DCPS: variants seen among roughly 807,000 people sequenced by gnomAD.
DCPS encodes decapping enzyme, scavenger.
DCPS carries 27 observed loss-of-function variants against 34.7 expected under a neutral mutation model. That is an observed-to-expected ratio of 0.78 (90% CI 0.57 to 1.07). The LOEUF (loss-of-function observed/expected upper bound fraction) is 1.07, where lower values mean the gene tolerates loss of function less well. Ranked by LOEUF, DCPS falls within the 50% of genes least tolerant of loss-of-function variation. The probability of loss-of-function intolerance (pLI) is 0.00; values close to 1 mark genes in which losing one functional copy is unlikely to be tolerated. For synonymous variants in DCPS, 185 were observed against 185.7 expected, an observed-to-expected ratio of 1.00 and a Z score of 0.03; for missense variants, 464 against 436.9, an observed-to-expected ratio of 1.06 and a Z score of -0.55.
chr11:126,324,867 C>T (rs1283590191), intron 2 of DCPS, among the ~76,000 whole-genome samples: 2 of 151,976 alleles, frequency 1.3e-5, no homozygotes. Context: ...GAAAATTAAA[C>T]AAGTGGCCAG....
chr11:126,326,516 T>A (rs554689307), intron 2 of DCPS, among the ~76,000 whole-genome samples: 1 of 152,250 alleles, frequency 6.6e-6, no homozygotes, highest in South Asian at 2.1e-4. Context: ...CTTAGAATAG[T>A]GTTATAGGGC....
In DCPS at chr11:126,346,193, C is replaced by T. The variant is rs1041471762; in HGVS notation, c.*580C>T. ...GTTGACGAGGATAGGGGCTTGGTGCCTGGAAATCGGCGGGTTTTAATAAGA... is the reference window on the plus strand; with the variant it reads ...GTTGACGAGGATAGGGGCTTGGTGCTTGGAAATCGGCGGGTTTTAATAAGA... On this transcript the variant is annotated 3_prime_UTR_variant, in exon 6 of 6. Transcript: ENST00000263579. The surrounding 1 kb of genome is among the most constrained non-coding windows in gnomAD (Gnocchi z 4.1). 2.6e-5 allele frequency among the ~76,000 whole-genome samples: 4 copies of T among 152,156 alleles called. No individual in the cohort carries two copies. The highest frequency in any genetic ancestry group is 4.4e-5 in the Non-Finnish European group (3 of 68,044).
Position 126,312,947 on chromosome 11 carries a change from C to T in DCPS, c.376+6203C>T, listed in dbSNP as rs1951629622. Reference sequence around the variant, plus strand: ...GGAGCTAATGGCCCGAAGGCTGGCACCTGAGAGCTTCCTCTGACCCTCCAG... The same window carrying T: ...GGAGCTAATGGCCCGAAGGCTGGCATCTGAGAGCTTCCTCTGACCCTCCAG... On this transcript the variant is annotated intron_variant, in intron 2 of 5. Coordinates refer to ENST00000263579, the MANE Select transcript of DCPS (RefSeq NM_014026.6). The surrounding 1 kb of genome is among the most constrained non-coding windows in gnomAD (Gnocchi z 5.1). Among the ~76,000 whole-genome samples, 1 of 152,162 alleles carries T rather than the reference C, an allele frequency of 6.6e-6. No individual in the cohort carries two copies. Among genetic ancestry groups the T allele is most frequent in the Non-Finnish European group, 1.5e-5 (1 of 68,032 alleles).
rs967936348 is a variant in DCPS, at chr11:126,323,311, G to A, written c.377-8094G>A. Among the ~76,000 whole-genome samples, 7 of 152,048 alleles carry A rather than the reference G, an allele frequency of 4.6e-5. No homozygotes were observed. The highest frequency in any genetic ancestry group is 1.0e-4 in the Non-Finnish European group (7 of 68,014). On this transcript the variant is annotated intron_variant, in intron 2 of 5. Transcript: ENST00000263579. This position sits in a 1 kb window ranked among gnomAD's most constrained non-coding sequence, Gnocchi z 4.4. Reference sequence around the variant, plus strand: ...AGACCTTTTTAATCCTCTTATCTGGGAAACAATTTTCAAAATACAATTATT... The same window carrying A: ...AGACCTTTTTAATCCTCTTATCTGGAAAACAATTTTCAAAATACAATTATT...
At position 126,344,759 on chromosome 11, in the gene DCPS, A is replaced by G. The variant is rs1951904316; in HGVS notation, c.748-588A>G. ...GCAAAGGGAGCCAGGGCCAAAGTCAATGCTTTCCTCTTCTGCAAGGAGCCC... is the reference window on the plus strand; with the variant it reads ...GCAAAGGGAGCCAGGGCCAAAGTCAGTGCTTTCCTCTTCTGCAAGGAGCCC... On this transcript the variant is annotated intron_variant, in intron 5 of 5. Transcript: ENST00000263579. The surrounding 1 kb of genome is among the most constrained non-coding windows in gnomAD (Gnocchi z 8.1). 6.6e-6 allele frequency among the ~76,000 whole-genome samples: 1 copy of G among 152,132 alleles called. No homozygotes were observed. Among genetic ancestry groups the G allele is most frequent in the African/African-American group, 2.4e-5 (1 of 41,426 alleles).
At position 126,331,524 on chromosome 11, in the gene DCPS, C is replaced by G; in HGVS notation, c.496C>G (p.Leu166Val). 1 of 1,614,164 alleles carries G rather than the reference C, an allele frequency of 6.2e-7. No homozygotes were observed. Among genetic ancestry groups the G allele is most frequent in the South Asian group, 1.1e-5 (1 of 91,084 alleles). The change falls in exon 3 of 6, where the codon CTG (leucine) becomes GTG (valine). Residue 166 changes from leucine to valine, a missense_variant. Physicochemically the swap from Leu to Val is conservative, Grantham distance 32. Transcript: ENST00000263579. The surrounding 1 kb of genome is among the most constrained non-coding windows in gnomAD (Gnocchi z 7.2). Reference sequence around the variant, plus strand: ...CTACAGGAATATTACTTTACCCCACCTGGAGTCCCAGAGCCTCAGCATCCA... The same window carrying G: ...CTACAGGAATATTACTTTACCCCACGTGGAGTCCCAGAGCCTCAGCATCCA... ...DDYRNITLPH[L>V]ESQSLSIQWV...
intron 2 of DCPS, among the ~76,000 whole-genome samples, chr11:126,316,921 G>T (rs1951663914): frequency 6.9e-6 from 1 of 145,692 alleles, no homozygotes; most frequent in South Asian, 2.2e-4. Context: ...CTGCCAAAGT[G>T]CTGGGATTAC....
At position 126,342,132 on chromosome 11, in the gene DCPS, C is replaced by G. The variant is rs1951880260; in HGVS notation, c.637-1175C>G. On this transcript the variant is annotated intron_variant, in intron 4 of 5. Coordinates refer to ENST00000263579, the MANE Select transcript of DCPS (RefSeq NM_014026.6). This position sits in a 1 kb window ranked among gnomAD's most constrained non-coding sequence, Gnocchi z 4.4. ...GCCTGGCCCCTCAGAGCCTTGATGTCTGGGGCCTTCCAGGCGCATGGATGG... is the reference window on the plus strand; with the variant it reads ...GCCTGGCCCCTCAGAGCCTTGATGTGTGGGGCCTTCCAGGCGCATGGATGG... 6.6e-6 allele frequency: 1 copy of G among 152,238 alleles called. No homozygotes were observed. The highest frequency in any genetic ancestry group is 2.4e-5 in the African/African-American group (1 of 41,460). The allele number at this position is 152,238 out of a possible 1,614,324, so 9.4% of individuals were successfully genotyped here. A position where few individuals can be genotyped will look rare whatever the true frequency, so the allele number is the denominator to read the frequency against.
chr11:126,331,592 G>C lies in DCPS; in HGVS notation c.522+42G>C. ...CTCAGACGCAGAGCACTGCTCCCGT[G>C]GCTGGTGCCTCCTCTTACGAGTGTC... On this transcript the variant is annotated intron_variant, in intron 3 of 5. Transcript: ENST00000263579. This position sits in a 1 kb window ranked among gnomAD's most constrained non-coding sequence, Gnocchi z 7.2. The C allele has an allele frequency of 6.2e-7, 1 of 1,605,904 alleles. No individual in the cohort carries two copies.
At chr11:126,324,155 T>C (rs1951725210) in intron 2 of DCPS, among the ~76,000 whole-genome samples, 1 of 152,210 alleles carries the variant, frequency 6.6e-6, no homozygotes, top group African/African-American at 2.4e-5. Flanking sequence ...TCTACAGTTA[T>C]TGTATTCACA....
intron 2 of DCPS, among the ~76,000 whole-genome samples, chr11:126,309,700 G>C (rs544853219): frequency 6.6e-6 from 1 of 152,134 alleles, no homozygotes; most frequent in Non-Finnish European, 1.5e-5. Context: ...TTTGGAAGTC[G>C]CAGCGGTTTG....
In DCPS at chr11:126,348,328, C is replaced by G. The variant is rs1229023124; in HGVS notation, c.*2715C>G. Among the ~76,000 whole-genome samples, 2 of 152,208 alleles carry G rather than the reference C, an allele frequency of 1.3e-5. No individual in the cohort carries two copies. The highest frequency in any genetic ancestry group is 3.9e-4 in the East Asian group (2 of 5,184). ...CGTCCCCTCACTCCTCTCCCAGCCTCGTTTATCTTCACCACAGTACAGAAG... is the reference window on the plus strand; with the variant it reads ...CGTCCCCTCACTCCTCTCCCAGCCTGGTTTATCTTCACCACAGTACAGAAG... On this transcript the variant is annotated 3_prime_UTR_variant, in exon 6 of 6. Transcript: ENST00000263579. The surrounding 1 kb of genome is among the most constrained non-coding windows in gnomAD (Gnocchi z 5.3).
intron 2 of DCPS, among the ~76,000 whole-genome samples, chr11:126,307,833 T>G (rs986856145): frequency 1.3e-5 from 2 of 152,174 alleles, no homozygotes; most frequent in African/African-American, 4.8e-5. Context: ...AAGGAGGACT[T>G]TACGAATGAG....
rs1224966733 is a variant in DCPS at position 126,334,985 on chromosome 11, G to A, written c.523-3301G>A. Among the ~76,000 whole-genome samples the A allele has an allele frequency of 6.6e-6, 1 of 152,158 alleles. No homozygotes were observed. Among genetic ancestry groups the A allele is most frequent in the Admixed American group, 6.5e-5 (1 of 15,274 alleles). On this transcript the variant is annotated intron_variant, in intron 3 of 5. Transcript: ENST00000263579. This position sits in a 1 kb window ranked among gnomAD's most constrained non-coding sequence, Gnocchi z 5.5. ...TGTAACTAATGGCTCCTCCCTCCTG[G>A]GTGTTGTGGAAATTGAGAGAGGTGC...
rs922610642 is a variant in DCPS, at chr11:126,315,447, C to G, written c.376+8703C>G. ...TGGTGGTATGTGCCTGTAGTTCCAG[C>G]TACTCAGGAGGCTGAAGTTGGAGGA... On this transcript the variant is annotated intron_variant, in intron 2 of 5. Transcript: ENST00000263579. This position sits in a 1 kb window ranked among gnomAD's most constrained non-coding sequence, Gnocchi z 6.1. Among the ~76,000 whole-genome samples the G allele has an allele frequency of 1.3e-5, 2 of 151,842 alleles. No individual in the cohort carries two copies. The highest frequency in any genetic ancestry group is 6.6e-5 in the Admixed American group (1 of 15,248).
rs1591379705 is a variant in DCPS at position 126,306,516 on chromosome 11, A to C, written c.202-54A>C. 10 of 1,506,728 alleles carry C rather than the reference A, an allele frequency of 6.6e-6. No homozygotes were observed. The South Asian group carries it at 1.3e-4, about 19-fold the overall frequency. 93.3% of individuals were successfully genotyped at this position (1,506,728 alleles called of 1,614,324 possible). A position where few individuals can be genotyped will look rare whatever the true frequency, so the allele number is the denominator to read the frequency against. On this transcript the variant is annotated intron_variant, in intron 1 of 5. Transcript: ENST00000263579. ...CCTGGGAGCTTCTGTCTTGCTCTCC[A>C]GAGTCTCATCGTGGTTCTGCCCTTG...
At chr11:126,305,295 G>A (rs1378682051) in intron 1 of DCPS, among the ~76,000 whole-genome samples, 1 of 151,428 alleles carries the variant, frequency 6.6e-6, no homozygotes, top group Non-Finnish European at 1.5e-5. Flanking sequence ...TGTATTTTTA[G>A]TAGAGATGGG....
At position 126,325,960 on chromosome 11, in the gene DCPS, A is replaced by G. The variant is rs1951736007; in HGVS notation, c.377-5445A>G. Among the ~76,000 whole-genome samples the G allele has an allele frequency of 6.6e-6, 1 of 152,104 alleles. No individual in the cohort carries two copies. The highest frequency in any genetic ancestry group is 1.5e-5 in the Non-Finnish European group (1 of 68,024). ...TGGTGAAACCCTGTCTCTACTAAAA[A>G]TACAAGTATTAGCCAGGCGTGGTGG... is the stretch of plus-strand genomic sequence containing the variant. On this transcript the variant is annotated intron_variant, in intron 2 of 5. Transcript: ENST00000263579. The surrounding 1 kb of genome is among the most constrained non-coding windows in gnomAD (Gnocchi z 4.3).
At position 126,345,721 on chromosome 11, in the gene DCPS, T is replaced by C; in HGVS notation, c.*108T>C. ...AAAAATGTATTTTATACCGGCTTAT[T>C]CCTAGTATTGAATAAACTAGCGGGC... On this transcript the variant is annotated 3_prime_UTR_variant, in exon 6 of 6. Transcript: ENST00000263579. This position sits in a 1 kb window ranked among gnomAD's most constrained non-coding sequence, Gnocchi z 7.4. 6.7e-7 allele frequency: 1 copy of C among 1,497,324 alleles called. No homozygotes were observed. Among genetic ancestry groups the C allele is most frequent in the Non-Finnish European group, 8.9e-7 (1 of 1,117,628 alleles). The allele number at this position is 1,497,324 out of a possible 1,614,324, so 92.8% of individuals were successfully genotyped here.
Sources: allele counts gnomAD v4.1 joint callset (sites outside exome capture counted in the v4.1 genomes callset), GRCh38; gene constraint gnomAD v4.1.1; non-coding constraint Gnocchi (gnomAD v3.1); transcripts MANE v1.5; gene names NCBI Gene and HGNC (gene_info 2026-07-23, HGNC 2026-07-21).